ADAMTS10: variants seen among roughly 807,000 people sequenced by gnomAD.
The protein encoded by ADAMTS10 is ADAM metallopeptidase with thrombospondin type 1 motif 10, also known as A disintegrin and metalloproteinase with thrombospondin motifs 10.
In ADAMTS10, 48 loss-of-function variants were observed where a neutral mutation model predicts 135.9. The observed-to-expected ratio is 0.35, with a 90% CI of 0.28 to 0.45. The LOEUF (loss-of-function observed/expected upper bound fraction) is 0.45, where lower values mean the gene tolerates loss of function less well. ADAMTS10 is among the 20% of genes least tolerant of loss of function. The pLI is 1.00. For missense variants in ADAMTS10, 1,131 were observed against 1,565.2 expected (o/e 0.72, Z 4.68); for synonymous variants, 621 against 647.5 (o/e 0.96, Z 0.62).
Position 8,586,547 on chromosome 19 carries a change from C to T in ADAMTS10, c.2403+11G>A. The T allele has an allele frequency of 6.2e-7, 1 of 1,613,458 alleles. No homozygotes were observed. ...CCAAAGGCTGCACCTTGCCCCCAGT[C>T]TCCCTGTTACCATGACGATGAGAGA... On this transcript the variant is annotated intron_variant, in intron 20 of 25. Transcript: ENST00000597188.
rs782510215 is a variant in ADAMTS10, at chr19:8,596,333, G to A, written c.1164C>T (p.Phe388=). The A allele has an allele frequency of 6.2e-7, 1 of 1,612,850 alleles. No homozygotes were observed. The change falls in exon 10 of 26, where the codon TTC becomes TTT. Residue 388 remains phenylalanine, a synonymous_variant. Transcript: ENST00000597188. This position sits in a 1 kb window ranked among gnomAD's most constrained non-coding sequence, Gnocchi z 7.2. ...TGTGCCCGATCTCGTGGGCAATGGT[G>A]AACGCTGTGGCCAGGCCAATGTCCT... ...VNEDIGLATA[F]TIAHEIGHTF... is the part of the protein sequence containing the mutation.
chr19:8,581,129 A>AATTTTTTTTTTTT, intron 25 of ADAMTS10, 127 bp from the exon 26 acceptor site: 1 of 126,902 alleles, frequency 7.9e-6, no homozygotes, highest in Admixed American at 2.3e-4. Flanking sequence ...TTTTAAATTT[A>AATTTTTTTTTTTT]CTTTTTTTTT....
chr19:8,602,931 C>T (rs2042682363), intron 5 of ADAMTS10, among the ~76,000 whole-genome samples: 1 of 152,112 alleles, frequency 6.6e-6, no homozygotes, highest in Non-Finnish European at 1.5e-5. Flanking sequence ...CCGAACTGAC[C>T]TGGTTTCCTA....
At chr19:8,597,472 T>C (rs1555740561) in intron 6 of ADAMTS10, 155 bp from the exon 7 acceptor site, 4 of 728,158 alleles carry the variant, frequency 5.5e-6, no homozygotes, top group Non-Finnish European at 9.6e-6. Context: ...GTTGCTGTTG[T>C]TGTTAAAGAT....
intron 12 of ADAMTS10, chr19:8,595,500 G>GA: frequency 5.9e-6 from 3 of 508,326 alleles, no homozygotes; most frequent in Non-Finnish European, 1.1e-5. Flanking sequence ...ACAGAAGCTG[G>GA]CCCCCCAGCC....
chr19:8,589,886 C>A lies in ADAMTS10; in HGVS notation c.1900+3G>T. The A allele has an allele frequency of 6.2e-7, 1 of 1,613,374 alleles. No homozygotes were observed. Among genetic ancestry groups the A allele is most frequent in the Admixed American group, 1.7e-5 (1 of 60,014 alleles). ...CCCACAGCCTTTGGAGTCCCACACT[C>A]ACCTCCCCGGTACGTTTTCCACTTG... is the stretch of plus-strand genomic sequence containing the variant. On this transcript the variant is annotated splice_donor_region_variant and intron_variant, in intron 16 of 25. Transcript: ENST00000597188.
chr19:8,586,070 AG>A, intron 22 of ADAMTS10, 51 bp downstream of exon 22: 1 of 1,611,268 alleles, frequency 6.2e-7, no homozygotes, highest in Non-Finnish European at 8.5e-7. Context: ...TCTTGACTCC[AG>A]GGAGTACTCT....
rs2042327050 is a variant in ADAMTS10 at position 8,580,429 on chromosome 19, T to G, written c.*464A>C. 2.3e-5 allele frequency: 3 copies of G among 128,186 alleles called. No homozygotes were observed. The highest frequency in any genetic ancestry group is 1.4e-4 in the South Asian group (1 of 7,148). 7.9% of individuals were successfully genotyped at this position (128,186 alleles called of 1,614,324 possible). On this transcript the variant is annotated 3_prime_UTR_variant, in exon 26 of 26. Coordinates refer to ENST00000597188, the MANE Select transcript of ADAMTS10 (RefSeq NM_030957.4). ...AGGTCAGGGGAGGGTGTCAGGGAGG[T>G]GGTGCTACCCCCCCCCCTCCCATAG...
chr19:8,595,831 G>T lies in ADAMTS10; in HGVS notation c.1410C>A (p.Gly470=), dbSNP rs373824482. The change falls in exon 12 of 26, where the codon GGC becomes GGA. Residue 470 remains glycine, a synonymous_variant. Transcript: ENST00000597188. ...ATTGCTCATCTGCATCGTAGGCTTG[G>T]CCCGGTGCCACTGTCGGGTACACAA... ...QDFVYPTVAP[G]QAYDADEQCR... 168 of 1,614,056 alleles carry T rather than the reference G, an allele frequency of 1.0e-4. No individual in the cohort carries two copies. The highest frequency in any genetic ancestry group is 1.4e-4 in the Non-Finnish European group (160 of 1,180,046).
rs782404103 is a variant in ADAMTS10 at position 8,580,844 on chromosome 19, G to A, written c.*49C>T. ...CCCCCTCTGGCCGGCCCGCTGCAGG[G>A]CTGGCGGCGGAGACCCCGCCAGCTG... On this transcript the variant is annotated 3_prime_UTR_variant, in exon 26 of 26. Coordinates refer to ENST00000597188, the MANE Select transcript of ADAMTS10 (RefSeq NM_030957.4). 4.8e-6 allele frequency: 7 copies of A among 1,473,562 alleles called. No homozygotes were observed. Among genetic ancestry groups the A allele is most frequent in the Non-Finnish European group, 5.6e-6 (6 of 1,078,816 alleles). The allele number at this position is 1,473,562 out of a possible 1,614,324, so 91.3% of individuals were successfully genotyped here.
chr19:8,580,436 A>AC lies in ADAMTS10; in HGVS notation c.*456dup, dbSNP rs34057037. The AC allele has an allele frequency of 0.011, 1,601 of 151,808 alleles. 10 individuals are homozygous for AC. The highest frequency in any genetic ancestry group is 0.015 in the African/African-American group (552 of 37,658). The allele number at this position is 151,808 out of a possible 1,614,324, so 9.4% of individuals were successfully genotyped here. ...GGGAGGGTGTCAGGGAGGTGGTGCTACCCCCCCCCCTCCCATAGCAGACAC... is the reference window on the plus strand; with the variant it reads ...GGGAGGGTGTCAGGGAGGTGGTGCTACCCCCCCCCCCTCCCATAGCAGACAC... On this transcript the variant is annotated 3_prime_UTR_variant, in exon 26 of 26. Coordinates refer to ENST00000597188, the MANE Select transcript of ADAMTS10 (RefSeq NM_030957.4).
chr19:8,596,627 C>A lies in ADAMTS10; in HGVS notation c.1041-42G>T, dbSNP rs1555740330. 6.2e-7 allele frequency: 1 copy of A among 1,606,392 alleles called. No individual in the cohort carries two copies. The highest frequency in any genetic ancestry group is 1.1e-5 in the South Asian group (1 of 90,290). The stretch of plus-strand genomic sequence containing the variant: ...GGTCAGTGAGGGGGCTGGGCTGTCT[C>A]CCTAAGCCCTGCTGATGCCACCATG... On this transcript the variant is annotated intron_variant, in intron 8 of 25. Transcript: ENST00000597188. The surrounding 1 kb of genome is among the most constrained non-coding windows in gnomAD (Gnocchi z 7.2).
chr19:8,585,333 G>A, intron 23 of ADAMTS10, 25 bp from the exon 24 acceptor site: 1 of 1,533,246 alleles, frequency 6.5e-7, no homozygotes, highest in Non-Finnish European at 8.7e-7. Context: ...GGCGTTTCGT[G>A]CTCAGGGTGC....
Position 8,601,512 on chromosome 19 carries a change from C to A in ADAMTS10, c.593-367G>T, listed in dbSNP as rs1392681482. On this transcript the variant is annotated intron_variant, in intron 5 of 25. Transcript: ENST00000597188. The surrounding 1 kb of genome is among the most constrained non-coding windows in gnomAD (Gnocchi z 4.6). ...GAGTAGCTGGGATGACAGGCATGTG[C>A]CACTATGCCTGGCTAATTTTTGTAT... Among the ~76,000 whole-genome samples the A allele has an allele frequency of 2.0e-5, 3 of 152,012 alleles. No homozygotes were observed. The highest frequency in any genetic ancestry group is 2.0e-4 in the Admixed American group (3 of 15,254).
intron 2 of ADAMTS10, among the ~76,000 whole-genome samples, chr19:8,607,131 C>T (rs2146107159): frequency 6.6e-6 from 1 of 152,170 alleles, no homozygotes; most frequent in East Asian, 1.9e-4. Context: ...AATTTTCAAG[C>T]CAGATTAGAG....
Position 8,605,434 on chromosome 19 carries a change from G to C in ADAMTS10, c.89-76C>G. On this transcript the variant is annotated intron_variant, in intron 3 of 25. Coordinates refer to ENST00000597188, the MANE Select transcript of ADAMTS10 (RefSeq NM_030957.4). This position sits in a 1 kb window ranked among gnomAD's most constrained non-coding sequence, Gnocchi z 7.7. Reference sequence around the variant, plus strand: ...CTGTGTCCTGGCTGTTAGGCTGCTGGAGCAAGTGATGCTGGCCTCACTGAC... The same window carrying C: ...CTGTGTCCTGGCTGTTAGGCTGCTGCAGCAAGTGATGCTGGCCTCACTGAC... 2.0e-6 allele frequency: 3 copies of C among 1,502,234 alleles called. No individual in the cohort carries two copies. The highest frequency in any genetic ancestry group is 2.7e-6 in the Non-Finnish European group (3 of 1,106,016). The allele number at this position is 1,502,234 out of a possible 1,614,324, so 93.1% of individuals were successfully genotyped here.
intron 6 of ADAMTS10, among the ~76,000 whole-genome samples, chr19:8,598,188 T>C (rs2146085488): frequency 6.6e-6 from 1 of 152,284 alleles, no homozygotes; most frequent in Middle Eastern, 3.4e-3. Context: ...AAACAGAGGT[T>C]AGGACACAGC....
chr19:8,583,526 G>A (rs2042381641), intron 25 of ADAMTS10, among the ~76,000 whole-genome samples: 1 of 148,202 alleles, frequency 6.7e-6, no homozygotes, highest in Non-Finnish European at 1.5e-5. Flanking sequence ...GGGTGACAGA[G>A]TGAGACTTTG....
chr19:8,596,423 G>C lies in ADAMTS10; in HGVS notation c.1085-11C>G, dbSNP rs781873311. 6.2e-7 allele frequency: 1 copy of C among 1,613,610 alleles called. No individual in the cohort carries two copies. Among genetic ancestry groups the C allele is most frequent in the East Asian group, 2.2e-5 (1 of 44,864 alleles). ...CCACCGGGGCCAGGCCTGGGAAGAC[G>C]GACATGTGGGGATGGGGCTGGGAGG... On this transcript the variant is annotated splice_polypyrimidine_tract_variant and intron_variant, in intron 9 of 25. Transcript: ENST00000597188. The surrounding 1 kb of genome is among the most constrained non-coding windows in gnomAD (Gnocchi z 7.2).
Sources: gnomAD v4.1 joint callset for allele counts (sites outside exome capture counted in the v4.1 genomes callset) on GRCh38, gnomAD v4.1.1 for gene constraint, Gnocchi (gnomAD v3.1) non-coding constraint, MANE v1.5 for transcripts, NCBI Gene and HGNC (gene_info 2026-07-23, HGNC 2026-07-21) for gene names.